The following SETD2 variants were observed in gnomAD, a reference collection of about 807,000 sequenced individuals.
SETD2 encodes the protein SET domain containing 2, histone lysine methyltransferase, also known as histone-lysine N-methyltransferase SETD2.
SETD2 carries 31 observed loss-of-function variants against 242.1 expected under a neutral mutation model. That is an observed-to-expected ratio of 0.13 (90% CI 0.10 to 0.17). SETD2 has a LOEUF of 0.17. SETD2 is among the 10% of genes least tolerant of loss of function. The pLI, the probability that SETD2 is intolerant of heterozygous loss-of-function variation, is 1.00. For missense variants in SETD2, 2,481 were observed against 3,046.3 expected, an observed-to-expected ratio of 0.81 and a Z score of 4.37; for synonymous variants, 1,006 against 1,066.5, an observed-to-expected ratio of 0.94 and a Z score of 1.11.
chr3:47,082,958 T>C (rs1341317095), intron 12 of SETD2, among the ~76,000 whole-genome samples: 1 of 152,204 alleles, frequency 6.6e-6, no homozygotes, highest in African/African-American at 2.4e-5. Flanking sequence ...AAATAGAAGC[T>C]AGTTAAGTAA....
intron 12 of SETD2, among the ~76,000 whole-genome samples, chr3:47,073,327 A>G (rs1037475847): frequency 3.9e-4 from 60 of 152,308 alleles, no homozygotes; most frequent in African/African-American, 1.4e-3. Context: ...TTACAAAATT[A>G]AGCAGATAAA....
At chr3:47,045,331 A>T (rs2039471262) in intron 16 of SETD2, among the ~76,000 whole-genome samples, 1 of 152,026 alleles carries the variant, frequency 6.6e-6, no homozygotes, top group Non-Finnish European at 1.5e-5. Context: ...CATCGTGGCT[A>T]ACACAGCGAA....
intron 3 of SETD2, among the ~76,000 whole-genome samples, chr3:47,118,836 C>A (rs1455509329): frequency 6.6e-6 from 1 of 151,870 alleles, no homozygotes; most frequent in Non-Finnish European, 1.5e-5. Flanking sequence ...TATTTATATT[C>A]TTTTACAAAG....
chr3:47,050,940 C>T (rs1575690966), intron 15 of SETD2, among the ~76,000 whole-genome samples: 1 of 151,600 alleles, frequency 6.6e-6, no homozygotes, highest in African/African-American at 2.4e-5. Flanking sequence ...ACCATGTTGG[C>T]CAGGCTGGTC....
At chr3:47,126,078 G>A (rs2043317076) in intron 2 of SETD2, among the ~76,000 whole-genome samples, 1 of 152,220 alleles carries the variant, frequency 6.6e-6, no homozygotes, top group African/African-American at 2.4e-5. Flanking sequence ...TGCCCAGGCT[G>A]AAGTGCAGGG....
chr3:47,086,851 T>C (rs537724846), intron 10 of SETD2, among the ~76,000 whole-genome samples: 16 of 151,294 alleles, frequency 1.1e-4, no homozygotes, highest in Middle Eastern at 3.4e-3. Flanking sequence ...CTGGGCAAAA[T>C]AGCAAGACCC....
Position 47,114,075 on chromosome 3 carries a change from TG to T in SETD2, c.4587-72del. The T allele has an allele frequency of 3.4e-6, 5 of 1,491,310 alleles. No homozygotes were observed. In the South Asian group the frequency reaches 6.1e-5, roughly 18 times the overall value. 92.4% of individuals were successfully genotyped at this position (1,491,310 alleles called of 1,614,324 possible). ...GAACCAAAGTAACTTTGAAAAAATG[TG>T]TTAGTATAACTACATATATACATAC... On this transcript the variant is annotated intron_variant, in intron 4 of 20. Transcript: ENST00000409792.
rs2043065171 is a variant in SETD2, at chr3:47,121,096, A to T, written c.3540T>A (p.Pro1180=). 6.2e-7 allele frequency: 1 copy of T among 1,613,718 alleles called. No individual in the cohort carries two copies. Among genetic ancestry groups the T allele is most frequent in the Non-Finnish European group, 8.5e-7 (1 of 1,179,650 alleles). ...TTTCCTCTGAATTTGGGTGACCCAG[A>T]GGGTCAGATTTCACATCTGTATGAC... is the stretch of plus-strand genomic sequence containing the variant. ...STSHTDVKSD[P]LGHPNSEETV... Residue 1180 remains proline, a synonymous_variant, in exon 3 of 21, where the codon CCT becomes CCA. Transcript: ENST00000409792.
Position 47,114,015 on chromosome 3 carries a change from A to C in SETD2, c.4587-11T>G, listed in dbSNP as rs2042758278. The C allele has an allele frequency of 6.3e-7, 1 of 1,593,110 alleles. No individual in the cohort carries two copies. The highest frequency in any genetic ancestry group is 1.9e-5 in the Admixed American group (1 of 52,590). ...GGACACCGAGAAGAACTGAAATGAG[A>C]AAAGGAGGAAATTTAATTCTTTAAA... On this transcript the variant is annotated splice_polypyrimidine_tract_variant and intron_variant, in intron 4 of 20. Coordinates refer to ENST00000409792, the MANE Select transcript of SETD2 (RefSeq NM_014159.7).
At chr3:47,025,886 T>C (rs1008453566) in intron 18 of SETD2, among the ~76,000 whole-genome samples, 11 of 152,330 alleles carry the variant, frequency 7.2e-5, no homozygotes, top group South Asian at 2.1e-4. Flanking sequence ...ATTCAGGACA[T>C]AGGCATGGGC....
At chr3:47,125,342 T>C (rs2043288106) in intron 2 of SETD2, among the ~76,000 whole-genome samples, 1 of 149,330 alleles carries the variant, frequency 6.7e-6, no homozygotes, top group African/African-American at 2.5e-5. Context: ...ATTTAAAAAT[T>C]AAAAAAAAAA....
chr3:47,123,292 C>G lies in SETD2; in HGVS notation c.1344G>C (p.Arg448=), dbSNP rs775613201. ...SPYRERTRYS[R]PYTDNRARES... Reference sequence around the variant, plus strand: ...CTCGTGCTCTGTTATCTGTGTATGGCCGAGAATAGCGCGTCCTCTCTCGAT... The same window carrying G: ...CTCGTGCTCTGTTATCTGTGTATGGGCGAGAATAGCGCGTCCTCTCTCGAT... The change falls in exon 3 of 21, where the codon CGG becomes CGC. Residue 448 remains arginine (R), a synonymous_variant. Coordinates refer to ENST00000409792, the MANE Select transcript of SETD2 (RefSeq NM_014159.7). 8.4e-6 allele frequency: 13 copies of G among 1,551,756 alleles called. No individual in the cohort carries two copies. In the Admixed American group the frequency reaches 2.5e-4, roughly 30 times the overall value.
chr3:47,151,098 A>C (rs2043973036), intron 1 of SETD2, among the ~76,000 whole-genome samples: 1 of 152,116 alleles, frequency 6.6e-6, no homozygotes, highest in Non-Finnish European at 1.5e-5. Flanking sequence ...AGTTACTAGG[A>C]TTCCTCCATT....
At chr3:47,058,431 A>C (rs2040170449) in intron 14 of SETD2, among the ~76,000 whole-genome samples, 1 of 123,726 alleles carries the variant, frequency 8.1e-6, no homozygotes, top group African/African-American at 3.1e-5. Flanking sequence ...ACAGGGCAAG[A>C]CACCGTCTCA....
chr3:47,039,160 A>T (rs886661358), intron 17 of SETD2, among the ~76,000 whole-genome samples: 2 of 152,206 alleles, frequency 1.3e-5, no homozygotes, highest in Non-Finnish European at 2.9e-5. Flanking sequence ...GCTACCAGAT[A>T]AAGAAAACCT....
chr3:47,085,939 T>C (rs2041537225), intron 11 of SETD2, among the ~76,000 whole-genome samples: 1 of 152,180 alleles, frequency 6.6e-6, no homozygotes, highest in Non-Finnish European at 1.5e-5. Flanking sequence ...TGTTATTATA[T>C]CTTGCTCTTG....
In SETD2 at chr3:47,123,349, G is replaced by A. The variant is rs989628930; in HGVS notation, c.1287C>T (p.Asp429=). 5.2e-6 allele frequency: 8 copies of A among 1,551,560 alleles called. No individual in the cohort carries two copies. In the African/African-American group the frequency reaches 1.1e-4, roughly 21 times the overall value. The change falls in exon 3 of 21, where the codon GAC becomes GAT. Residue 429 remains aspartate, a synonymous_variant. Transcript: ENST00000409792. Reference sequence around the variant, plus strand: ...AGCTCCTATGGTAGCGACGATCAGAGTCATAATAATGAGATCGTTCTGACC... The same window carrying A: ...AGCTCCTATGGTAGCGACGATCAGAATCATAATAATGAGATCGTTCTGACC... ...YSRSERSHYY[D]SDRRYHRSSP...
chr3:47,062,120 C>CAAAACA lies in SETD2; in HGVS notation c.6293+37_6293+42dup, dbSNP rs764298197. The CAAAACA allele has an allele frequency of 5.4e-5, 86 of 1,583,392 alleles. 2 individuals carry two copies. The South Asian group carries it at 8.5e-4, about 16-fold the overall frequency. On this transcript the variant is annotated intron_variant, in intron 14 of 20. Coordinates refer to ENST00000409792, the MANE Select transcript of SETD2 (RefSeq NM_014159.7). ...TGACTTGGGTACTTTTTAACTTGCT[C>CAAAACA]AAAACAAAAACAAAAACAAAAAAAC...
chr3:47,040,668 G>A (rs2039239050), intron 17 of SETD2, among the ~76,000 whole-genome samples: 1 of 136,180 alleles, frequency 7.3e-6, no homozygotes, highest in African/African-American at 2.8e-5. Context: ...CTGACCTCCT[G>A]TCTCAAGTGA....
Sources: allele counts gnomAD v4.1 joint callset (sites outside exome capture counted in the v4.1 genomes callset), GRCh38; gene constraint gnomAD v4.1.1; transcripts MANE v1.5; gene names NCBI Gene and HGNC (gene_info 2026-07-23, HGNC 2026-07-21).